Variants in UNC5A observed in about 807,000 individuals in gnomAD.
UNC5A encodes netrin receptor UNC5A.
UNC5A carries 20 observed loss-of-function variants against 87.4 expected under a neutral mutation model. That is an observed-to-expected ratio of 0.23 (90% CI 0.16 to 0.33). UNC5A has a LOEUF of 0.33. Ranked by LOEUF, UNC5A falls within the 10% of genes least tolerant of loss-of-function variation. The pLI is 1.00. For missense variants in UNC5A, 844 were observed against 1,133.4 expected (o/e 0.74, Z 3.67); for synonymous variants, 438 against 482.3 (o/e 0.91, Z 1.20).
intron 1 of UNC5A, among the ~76,000 whole-genome samples, chr5:176,852,631 A>G (rs1262544582): frequency 6.6e-6 from 1 of 152,124 alleles, no homozygotes; most frequent in Non-Finnish European, 1.5e-5. Context: ...TTTATTAACT[A>G]TTTCTCTGGC....
At position 176,878,107 on chromosome 5, in the gene UNC5A, G is replaced by T. The variant is rs755358049; in HGVS notation, c.1849G>T (p.Asp617Tyr). 1 of 1,609,068 alleles carries T rather than the reference G, an allele frequency of 6.2e-7. No individual in the cohort carries two copies. Among genetic ancestry groups the T allele is most frequent in the Non-Finnish European group, 8.5e-7 (1 of 1,179,908 alleles). ...EYNIRVYCLH[D>Y]THDALKEVVQ... ...CAACATCCGGGTCTACTGCCTGCAT[G>T]ACACCCACGATGCACTCAAGGTATC... Residue 617 changes from aspartate (D) to tyrosine (Y), a missense_variant, in exon 11 of 15, where the codon GAC becomes TAC. Physicochemically the swap from Asp to Tyr is radical, Grantham distance 160. Around this residue, in one of 3 missense-constraint regions of UNC5A, gnomAD observed 353 missense variants for 387.5 expected, o/e 0.91. Transcript: ENST00000329542.
chr5:176,862,904 C>G, intron 2 of UNC5A, 59 bp downstream of exon 2: 5 of 1,587,256 alleles, frequency 3.2e-6, no homozygotes, highest in East Asian at 4.5e-5. Context: ...TCGGCCCCCC[C>G]AGAGGAGCCT....
At chr5:176,834,836 G>C (rs961676874) in intron 1 of UNC5A, among the ~76,000 whole-genome samples, 4 of 152,108 alleles carry the variant, frequency 2.6e-5, no homozygotes, top group Non-Finnish European at 5.9e-5. Context: ...AGGAGATGGT[G>C]TCCCTGATTA....
intron 1 of UNC5A, among the ~76,000 whole-genome samples, chr5:176,839,462 G>C (rs554099243): frequency 7.9e-5 from 12 of 152,370 alleles, no homozygotes; most frequent in African/African-American, 2.9e-4. Context: ...TGGCTTCGTG[G>C]GGTGGGATAT....
chr5:176,867,130 C>T (rs1035472611), intron 2 of UNC5A, among the ~76,000 whole-genome samples: 2 of 152,194 alleles, frequency 1.3e-5, no homozygotes, highest in Non-Finnish European at 2.9e-5. Flanking sequence ...CATTGGCTGC[C>T]GGCCTCTCTC....
At position 176,869,657 on chromosome 5, in the gene UNC5A, C is replaced by T. The variant is rs772146673; in HGVS notation, c.721+693C>T. 41 of 699,780 alleles carry T rather than the reference C, an allele frequency of 5.9e-5. No individual in the cohort carries two copies. The Middle Eastern group carries it at 7.6e-4, about 13-fold the overall frequency. The allele number at this position is 699,780 out of a possible 1,614,324, so 43.3% of individuals were successfully genotyped here. On this transcript the variant is annotated intron_variant, in intron 5 of 14. Coordinates refer to ENST00000329542, the MANE Select transcript of UNC5A (RefSeq NM_133369.3). The surrounding 1 kb of genome is among the most constrained non-coding windows in gnomAD (Gnocchi z 9.1). ...CGTGGACCGAGTGGTCCGTCTGCAG[C>T]GCCAGCTGTGGGCGCGGCTGGCAGA...
At chr5:176,852,739 T>A (rs1163341658) in intron 1 of UNC5A, among the ~76,000 whole-genome samples, 1 of 152,224 alleles carries the variant, frequency 6.6e-6, no homozygotes, top group Non-Finnish European at 1.5e-5. Flanking sequence ...CTGAGTTCCC[T>A]TTGCGGTGGG....
At chr5:176,827,418 A>T (rs1329286055) in intron 1 of UNC5A, among the ~76,000 whole-genome samples, 1 of 151,464 alleles carries the variant, frequency 6.6e-6, no homozygotes, top group African/African-American at 2.4e-5. Flanking sequence ...CTTGACCTCA[A>T]ATAATCCACC....
intron 1 of UNC5A, among the ~76,000 whole-genome samples, chr5:176,828,212 G>A (rs1050222271): frequency 2.0e-5 from 3 of 152,222 alleles, no homozygotes; most frequent in African/African-American, 7.2e-5. Context: ...TTTGTCAGAC[G>A]CAGTGCGCGG....
intron 1 of UNC5A, among the ~76,000 whole-genome samples, chr5:176,846,210 G>A (rs754920344): frequency 6.6e-6 from 1 of 152,146 alleles, no homozygotes; most frequent in South Asian, 2.1e-4. Flanking sequence ...GGAGAGATGG[G>A]AGAGCAGAAC....
chr5:176,842,935 G>A (rs1360893217), intron 1 of UNC5A, among the ~76,000 whole-genome samples: 2 of 152,176 alleles, frequency 1.3e-5, no homozygotes, highest in African/African-American at 4.8e-5. Flanking sequence ...GCCGAGGTGG[G>A]TGGATCACCT....
At chr5:176,868,418 C>G (rs867714470) in intron 3 of UNC5A, 143 bp from the exon 4 acceptor site, 3 of 1,446,452 alleles carry the variant, frequency 2.1e-6, no homozygotes, top group Non-Finnish European at 2.8e-6. Flanking sequence ...CCTGTGGACA[C>G]GGCCCAGCCA....
chr5:176,841,440 C>T lies in UNC5A; in HGVS notation c.71-21184C>T, dbSNP rs1757274806. On this transcript the variant is annotated intron_variant, in intron 1 of 14. Coordinates refer to ENST00000329542, the MANE Select transcript of UNC5A (RefSeq NM_133369.3). This position sits in a 1 kb window ranked among gnomAD's most constrained non-coding sequence, Gnocchi z 4.1. ...GGGACTTGGGGCACAGACTGTGGAACCGGGCTGCCTGGCTGTCCCATGTGC... is the reference window on the plus strand; with the variant it reads ...GGGACTTGGGGCACAGACTGTGGAATCGGGCTGCCTGGCTGTCCCATGTGC... Among the ~76,000 whole-genome samples the T allele has an allele frequency of 6.6e-6, 1 of 152,214 alleles. No homozygotes were observed. Among genetic ancestry groups the T allele is most frequent in the Non-Finnish European group, 1.5e-5 (1 of 68,040 alleles).
At chr5:176,877,013 T>G (rs1300215023) in intron 8 of UNC5A, among the ~76,000 whole-genome samples, 179 bp from the exon 9 acceptor site, 2 of 152,186 alleles carry the variant, frequency 1.3e-5, no homozygotes, top group East Asian at 3.9e-4. Context: ...GGGGTGCCCC[T>G]GACTCAGCTT....
chr5:176,856,681 CTGG>C (rs1757675346), intron 1 of UNC5A, among the ~76,000 whole-genome samples: 2 of 152,168 alleles, frequency 1.3e-5, no homozygotes. Flanking sequence ...TGACATTTCC[CTGG>C]TGGACCAGGT....
At chr5:176,858,059 T>C (rs569186365) in intron 1 of UNC5A, among the ~76,000 whole-genome samples, 18 of 152,212 alleles carry the variant, frequency 1.2e-4, no homozygotes, top group Non-Finnish European at 1.8e-4. Flanking sequence ...CGTCCGTCAG[T>C]GGCCCCAGAG....
chr5:176,814,188 C>T (rs1756534840), intron 1 of UNC5A, among the ~76,000 whole-genome samples: 1 of 152,214 alleles, frequency 6.6e-6, no homozygotes, highest in African/African-American at 2.4e-5. Context: ...ACTAAGGCAT[C>T]CCCTGGCATC....
In UNC5A at chr5:176,868,454, A is replaced by G; in HGVS notation, c.437-107A>G. On this transcript the variant is annotated intron_variant, in intron 3 of 14. Coordinates refer to ENST00000329542, the MANE Select transcript of UNC5A (RefSeq NM_133369.3). ...CCCCATGGCCCCCTGGCCACCTGGC[A>G]CTTCCTCTGCCATGTGCCACGGCCC... The G allele has an allele frequency of 2.8e-6, 4 of 1,446,872 alleles. No homozygotes were observed. The Admixed American group carries it at 8.5e-5, about 31-fold the overall frequency. 89.6% of individuals were successfully genotyped at this position (1,446,872 alleles called of 1,614,324 possible). A position where few individuals can be genotyped will look rare whatever the true frequency, so the allele number is the denominator to read the frequency against.
chr5:176,862,188 C>G (rs966146105), intron 1 of UNC5A, among the ~76,000 whole-genome samples: 20 of 152,204 alleles, frequency 1.3e-4, no homozygotes, highest in South Asian at 6.2e-4. Context: ...GGAAGCAGGG[C>G]CCCAGAGGCG....
Sources: allele counts gnomAD v4.1 joint callset (sites outside exome capture counted in the v4.1 genomes callset), GRCh38; gene constraint gnomAD v4.1.1; regional missense constraint gnomAD v4.1.1; non-coding constraint Gnocchi (gnomAD v3.1); transcripts MANE v1.5; gene names NCBI Gene and HGNC (gene_info 2026-07-23, HGNC 2026-07-21).